The following RASGRP1 variants were observed in gnomAD, a reference collection of about 807,000 sequenced individuals.
RASGRP1 encodes RAS guanyl releasing protein 1.
A neutral mutation model predicts 95.1 loss-of-function variants in RASGRP1; 37 were observed. That is an observed-to-expected ratio of 0.39 (90% CI 0.30 to 0.51). RASGRP1 has a LOEUF of 0.51. RASGRP1 is among the 20% of genes least tolerant of loss of function. The pLI is 0.80. For missense variants in RASGRP1, 711 were observed against 965.4 expected, an observed-to-expected ratio of 0.74 and a Z score of 3.49; for synonymous variants, 325 against 353.4, an observed-to-expected ratio of 0.92 and a Z score of 0.90.
At chr15:38,506,067 AC>A in intron 9 of RASGRP1, 147 bp from the exon 10 acceptor site, 1 of 621,152 alleles carries the variant, frequency 1.6e-6, no homozygotes, top group Admixed American at 2.8e-5. Context: ...AACAGGTATA[AC>A]ACCTACTATT....
intron 6 of RASGRP1, among the ~76,000 whole-genome samples, chr15:38,515,871 G>C (rs1222555539): frequency 7.2e-6 from 1 of 139,456 alleles, no homozygotes; most frequent in Non-Finnish European, 1.6e-5. Context: ...GGGGTATGAG[G>C]GTAGAATGAG....
chr15:38,499,591 G>A (rs527467394), intron 14 of RASGRP1, among the ~76,000 whole-genome samples: 3 of 152,318 alleles, frequency 2.0e-5, no homozygotes, highest in Admixed American at 6.5e-5. Context: ...GGGGGTGTCC[G>A]AGGGAAACCA....
chr15:38,537,431 C>T (rs1476663106), intron 2 of RASGRP1, among the ~76,000 whole-genome samples: 1 of 152,098 alleles, frequency 6.6e-6, no homozygotes, highest in African/African-American at 2.4e-5. Flanking sequence ...AAGTGCCACA[C>T]ATCTGGCTGG....
chr15:38,545,255 A>T (rs1331717898), intron 2 of RASGRP1, among the ~76,000 whole-genome samples: 2 of 152,094 alleles, frequency 1.3e-5, no homozygotes, highest in African/African-American at 4.8e-5. Flanking sequence ...TCTCCTCTGC[A>T]CTCTCTCTAG....
chr15:38,519,489 T>A, intron 3 of RASGRP1, 118 bp from the exon 4 acceptor site: 1 of 778,642 alleles, frequency 1.3e-6, no homozygotes, highest in Non-Finnish European at 2.1e-6. Context: ...AATGAAAATG[T>A]GATGCTTTAT....
chr15:38,547,183 A>G (rs1893135913), intron 2 of RASGRP1, among the ~76,000 whole-genome samples: 2 of 152,154 alleles, frequency 1.3e-5, no homozygotes, highest in African/African-American at 2.4e-5. Context: ...CATGTAGCCT[A>G]TATTTGCCCA....
At chr15:38,513,374 A>G (rs1198684485) in intron 6 of RASGRP1, among the ~76,000 whole-genome samples, 1 of 152,236 alleles carries the variant, frequency 6.6e-6, no homozygotes, top group Non-Finnish European at 1.5e-5. Flanking sequence ...CTGTTTTCTT[A>G]CCTTAAAAAT....
At chr15:38,548,052 C>T (rs1446699297) in intron 2 of RASGRP1, among the ~76,000 whole-genome samples, 1 of 151,006 alleles carries the variant, frequency 6.6e-6, no homozygotes, top group Non-Finnish European at 1.5e-5. Flanking sequence ...CGCTGTGACA[C>T]GAGATGTCAA....
chr15:38,524,079 C>A (rs184203973), intron 3 of RASGRP1: 56 of 152,216 alleles, frequency 3.7e-4, no homozygotes, highest in African/African-American at 1.3e-3. Flanking sequence ...TGGTATAAAC[C>A]TAAGAAAAAT....
chr15:38,490,262 C>A lies in RASGRP1; in HGVS notation c.*292G>T. On this transcript the variant is annotated 3_prime_UTR_variant, in exon 17 of 17. Coordinates refer to ENST00000310803, the MANE Select transcript of RASGRP1 (RefSeq NM_005739.4). The stretch of plus-strand genomic sequence containing the variant: ...CAGCCAGGCAGGCCACCGAGATGCC[C>A]CATTGTCAGGAAATGATAGTCATGT... 4.2e-6 allele frequency: 1 copy of A among 240,262 alleles called. No individual in the cohort carries two copies. The highest frequency in any genetic ancestry group is 5.6e-5 in the Admixed American group (1 of 17,926). 14.9% of individuals were successfully genotyped at this position (240,262 alleles called of 1,614,324 possible).
At chr15:38,491,470 CA>C (rs1343279580) in intron 16 of RASGRP1, among the ~76,000 whole-genome samples, 4 of 152,144 alleles carry the variant, frequency 2.6e-5, no homozygotes, top group Non-Finnish European at 5.9e-5. Context: ...CTTATAAAGG[CA>C]AATGTTGCCG....
chr15:38,534,704 A>C (rs557379271), intron 2 of RASGRP1: 5 of 152,410 alleles, frequency 3.3e-5, no homozygotes, highest in African/African-American at 9.6e-5. Flanking sequence ...CAGACACAGA[A>C]GAGGGAAAAA....
At position 38,559,879 on chromosome 15, in the gene RASGRP1, T is replaced by A. The variant is rs1173793766; in HGVS notation, c.162A>T (p.Gly54=). 1 of 1,613,918 alleles carries A rather than the reference T, an allele frequency of 6.2e-7. No individual in the cohort carries two copies. The highest frequency in any genetic ancestry group is 1.3e-5 in the African/African-American group (1 of 75,028). Residue 54 remains glycine (G), a synonymous_variant, in exon 2 of 17, where the codon GGA becomes GGT. Coordinates refer to ENST00000310803, the MANE Select transcript of RASGRP1 (RefSeq NM_005739.4). ...CCAGGCTGGCTCCTTTGGCTAAATG[T>A]CCCAGAGACACCATCATTCGGAACT... ...ITQFRMMVSL[G]HLAKGASLDD...
chr15:38,558,573 T>C (rs896861086), intron 2 of RASGRP1, among the ~76,000 whole-genome samples: 17 of 152,362 alleles, frequency 1.1e-4, no homozygotes, highest in South Asian at 2.1e-4. Flanking sequence ...TGCAAATTCT[T>C]GTGCCCCACC....
chr15:38,506,795 A>G lies in RASGRP1; in HGVS notation c.1243-875T>C, dbSNP rs116891978. The stretch of plus-strand genomic sequence containing the variant: ...AAATTACATGCATATTTAAAAATAA[A>G]TGGCTTATGTACATTTTTCTGGGAA... On this transcript the variant is annotated intron_variant, in intron 9 of 16. Coordinates refer to ENST00000310803, the MANE Select transcript of RASGRP1 (RefSeq NM_005739.4). Among the ~76,000 whole-genome samples, 1,249 of 152,328 alleles carry G rather than the reference A, an allele frequency of 8.2e-3. 10 individuals are homozygous for G. The highest frequency in any genetic ancestry group is 0.059 in the South Asian group (283 of 4,828).
chr15:38,507,699 G>A (rs1383183766), intron 9 of RASGRP1, 27 bp downstream of exon 9: 1 of 1,548,312 alleles, frequency 6.5e-7, no homozygotes, highest in Non-Finnish European at 8.7e-7. Context: ...AAAGTGCTTA[G>A]TAATTGTCCT....
chr15:38,564,475 G>T, intron 1 of RASGRP1, 119 bp downstream of exon 1: 1 of 836,696 alleles, frequency 1.2e-6, no homozygotes, highest in South Asian at 5.1e-5. Flanking sequence ...CCGGGACTCC[G>T]GCCGACCCCG....
rs148963670 is a variant in RASGRP1 at position 38,528,809 on chromosome 15, G to T, written c.221-2405C>A. 5.4e-3 allele frequency among the ~76,000 whole-genome samples: 821 copies of T among 152,184 alleles called. 2 individuals are homozygous for T. The highest frequency in any genetic ancestry group is 0.012 in the Admixed American group (180 of 15,266). On this transcript the variant is annotated intron_variant, in intron 2 of 16. Transcript: ENST00000310803. ...CTATATGCTGATGACTGCCCAACTG[G>T]TATCTTCAGCCTTCGCTACCCAATT...
rs1295825432 is a variant in RASGRP1 at position 38,555,777 on chromosome 15, C to G, written c.220+4044G>C. Among the ~76,000 whole-genome samples, 3 of 152,170 alleles carry G rather than the reference C, an allele frequency of 2.0e-5. No individual in the cohort carries two copies. The East Asian group carries it at 5.8e-4, about 29-fold the overall frequency. On this transcript the variant is annotated intron_variant, in intron 2 of 16. Coordinates refer to ENST00000310803, the MANE Select transcript of RASGRP1 (RefSeq NM_005739.4). Reference sequence around the variant, plus strand: ...AAATAGAAGATATTAGGAAGCATTTCCCTTCACACTAATAGGTAAGATGAA... The same window carrying G: ...AAATAGAAGATATTAGGAAGCATTTGCCTTCACACTAATAGGTAAGATGAA...
Sources: allele counts gnomAD v4.1 joint callset (sites outside exome capture counted in the v4.1 genomes callset), GRCh38; gene constraint gnomAD v4.1.1; transcripts MANE v1.5; gene names NCBI Gene and HGNC (gene_info 2026-07-23, HGNC 2026-07-21).